Variants in RABGAP1L observed in about 807,000 individuals in gnomAD.
RABGAP1L encodes RAB GTPase activating protein 1 like.
In RABGAP1L, 63 loss-of-function variants were observed where a neutral mutation model predicts 137.7. The ratio of observed to expected loss-of-function variants is 0.46; its 90% confidence interval spans 0.37 to 0.56. RABGAP1L has a LOEUF of 0.56. Ranked by LOEUF, RABGAP1L falls within the 20% of genes least tolerant of loss-of-function variation. The probability of loss-of-function intolerance (pLI) is 0.00; values close to 1 mark genes in which losing one functional copy is unlikely to be tolerated. For synonymous variants in RABGAP1L, 431 were observed against 433.7 expected, an observed-to-expected ratio of 0.99 and a Z score of 0.08; for missense variants, 1,095 against 1,244.0, an observed-to-expected ratio of 0.88 and a Z score of 1.80.
intron 17 of RABGAP1L, among the ~76,000 whole-genome samples, chr1:174,726,294 ATT>A (rs888159034): frequency 4.7e-5 from 7 of 148,686 alleles, no homozygotes; most frequent in African/African-American, 1.7e-4. Flanking sequence ...TTTTCAGCAG[ATT>A]TTTTTTTTCT....
chr1:174,773,205 C>A (rs1033805505), intron 18 of RABGAP1L, among the ~76,000 whole-genome samples: 6 of 99,826 alleles, frequency 6.0e-5, no homozygotes, highest in African/African-American at 1.7e-4. Flanking sequence ...CTTACAATTG[C>A]TCTGTGAACA....
At chr1:174,204,432 C>A (rs1392700900) in intron 1 of RABGAP1L, among the ~76,000 whole-genome samples, 1 of 152,178 alleles carries the variant, frequency 6.6e-6, no homozygotes, top group Non-Finnish European at 1.5e-5. Context: ...CTGGCTAGGA[C>A]TTCCAATACT....
chr1:174,170,117 A>G (rs761750271), intron 1 of RABGAP1L, among the ~76,000 whole-genome samples: 1 of 152,176 alleles, frequency 6.6e-6, no homozygotes, highest in African/African-American at 2.4e-5. Context: ...TTTGTGGGAG[A>G]CAGTGTAGAT....
chr1:174,205,335 T>G (rs1348753922), intron 1 of RABGAP1L, among the ~76,000 whole-genome samples: 3 of 152,148 alleles, frequency 2.0e-5, no homozygotes, highest in East Asian at 3.9e-4. Context: ...CCTCCTCAGT[T>G]TTTTGGAATA....
chr1:174,958,082 A>C, intron 20 of RABGAP1L: 1 of 1,519,476 alleles, frequency 6.6e-7, no homozygotes, highest in Non-Finnish European at 8.8e-7. Flanking sequence ...AACTGTTCCA[A>C]GACTGACACA....
At chr1:174,453,155 A>G (rs1170147419) in intron 13 of RABGAP1L, among the ~76,000 whole-genome samples, 2 of 152,176 alleles carry the variant, frequency 1.3e-5, no homozygotes, top group East Asian at 1.9e-4. Context: ...AGGTTAACCT[A>G]CCTCTTACTT....
chr1:174,880,028 T>A (rs866621863), intron 19 of RABGAP1L, among the ~76,000 whole-genome samples: 14 of 144,506 alleles, frequency 9.7e-5, no homozygotes, highest in African/African-American at 3.6e-4. Flanking sequence ...AGGAGGTGGA[T>A]GTCACGGTGA....
intron 19 of RABGAP1L, among the ~76,000 whole-genome samples, chr1:174,867,051 G>T (rs1416060027): frequency 1.3e-5 from 2 of 151,482 alleles, no homozygotes; most frequent in African/African-American, 4.9e-5. Context: ...ATGCATCACT[G>T]CACTCCAGCC....
At chr1:174,543,856 C>T (rs1665729100) in intron 13 of RABGAP1L, among the ~76,000 whole-genome samples, 1 of 152,128 alleles carries the variant, frequency 6.6e-6, no homozygotes, top group Non-Finnish European at 1.5e-5. Flanking sequence ...ACTTATGAAG[C>T]TTAGTTTGGC....
At chr1:174,558,034 G>T (rs180793578) in intron 13 of RABGAP1L, among the ~76,000 whole-genome samples, 2 of 152,184 alleles carry the variant, frequency 1.3e-5, no homozygotes, top group East Asian at 3.8e-4. Context: ...TTTTGCAGCC[G>T]CTTCCTTATC....
At chr1:174,516,117 C>T (rs922451571) in intron 13 of RABGAP1L, among the ~76,000 whole-genome samples, 6 of 101,108 alleles carry the variant, frequency 5.9e-5, no homozygotes, top group Non-Finnish European at 9.6e-5. Flanking sequence ...AAAACTGAAG[C>T]TCTACACACA....
chr1:174,415,425 CAT>C (rs1199605300), intron 13 of RABGAP1L, among the ~76,000 whole-genome samples: 2 of 149,772 alleles, frequency 1.3e-5, no homozygotes, highest in Non-Finnish European at 3.0e-5. Flanking sequence ...CATGGATATG[CAT>C]ACTTTTTTTT....
intron 11 of RABGAP1L, among the ~76,000 whole-genome samples, chr1:174,327,972 TATATATACACACAC>T (rs1170166439): frequency 3.7e-4 from 7 of 19,002 alleles, no homozygotes; most frequent in African/African-American, 7.7e-4. Flanking sequence ...TATATATATA[TATATATACACACAC>T]ATATATATAT....
At chr1:174,418,836 C>G (rs569258943) in intron 13 of RABGAP1L, among the ~76,000 whole-genome samples, 2 of 152,062 alleles carry the variant, frequency 1.3e-5, no homozygotes, top group Non-Finnish European at 2.9e-5. Flanking sequence ...GTCAGGAGTT[C>G]AAGACCAGCC....
chr1:174,581,130 G>T (rs1240005226), intron 13 of RABGAP1L, among the ~76,000 whole-genome samples: 1 of 152,112 alleles, frequency 6.6e-6, no homozygotes, highest in Non-Finnish European at 1.5e-5. Context: ...CAAAAGATTA[G>T]ATATATAGTT....
intron 13 of RABGAP1L, among the ~76,000 whole-genome samples, chr1:174,599,788 G>C (rs1670274244): frequency 6.6e-6 from 1 of 152,038 alleles, no homozygotes; most frequent in Non-Finnish European, 1.5e-5. Context: ...TTTGATTATT[G>C]AATGCCCTGA....
At chr1:174,161,018 T>C (rs1434956574) in intron 1 of RABGAP1L, among the ~76,000 whole-genome samples, 1 of 152,158 alleles carries the variant, frequency 6.6e-6, no homozygotes, top group Non-Finnish European at 1.5e-5. Flanking sequence ...AGTTGAACTT[T>C]ATGTATACAT....
intron 13 of RABGAP1L, among the ~76,000 whole-genome samples, chr1:174,437,834 C>T (rs1352106717): frequency 6.6e-6 from 1 of 152,110 alleles, no homozygotes; most frequent in Non-Finnish European, 1.5e-5. Context: ...GTCGGGTTAC[C>T]CACAAAGGGA....
intron 4 of RABGAP1L, among the ~76,000 whole-genome samples, chr1:174,234,020 T>C (rs1216725518): frequency 7.2e-6 from 1 of 137,974 alleles, no homozygotes; most frequent in Non-Finnish European, 1.5e-5. Context: ...TGGCCAGTGA[T>C]GATGAGCATT....
Sources: allele counts gnomAD v4.1 joint callset (sites outside exome capture counted in the v4.1 genomes callset), GRCh38; gene constraint gnomAD v4.1.1; transcripts MANE v1.5; gene names NCBI Gene and HGNC (gene_info 2026-07-23, HGNC 2026-07-21).